Variants in PLXDC1 observed in about 807,000 individuals in gnomAD.
The protein encoded by PLXDC1 is plexin domain containing 1.
Under a neutral mutation model 61.3 loss-of-function variants are expected in PLXDC1, and 39 were observed. The ratio of observed to expected loss-of-function variants is 0.64; its 90% CI spans 0.49 to 0.83. The LOEUF (loss-of-function observed/expected upper bound fraction) is 0.83, where lower values mean the gene tolerates loss of function less well. PLXDC1 is among the 40% of genes least tolerant of loss of function. The pLI is 0.00. For missense variants in PLXDC1, 596 were observed against 666.5 expected, an observed-to-expected ratio of 0.89 and a Z score of 1.17; for synonymous variants, 212 against 254.5, an observed-to-expected ratio of 0.83 and a Z score of 1.59.
chr17:39,090,972 C>T lies in PLXDC1; in HGVS notation c.812-3270G>A, dbSNP rs1015972299. The stretch of plus-strand genomic sequence containing the variant: ...CCCGCTGCTGTGGAGAGAGAGGAGG[C>T]CCACAGAGGCGGCCTGACCGCGGTA... On this transcript the variant is annotated intron_variant, in intron 7 of 13. Coordinates refer to ENST00000315392, the MANE Select transcript of PLXDC1 (RefSeq NM_020405.5). 3.3e-5 allele frequency among the ~76,000 whole-genome samples: 5 copies of T among 152,304 alleles called. 1 individual carries two copies. Among genetic ancestry groups the T allele is most frequent in the South Asian group, 4.1e-4 (2 of 4,824 alleles).
chr17:39,139,834 T>A lies in PLXDC1; in HGVS notation c.77-2A>T. 1 of 1,595,688 alleles carries A rather than the reference T, an allele frequency of 6.3e-7. No homozygotes were observed. Among genetic ancestry groups the A allele is most frequent in the Non-Finnish European group, 8.6e-7 (1 of 1,168,322 alleles). On this transcript the variant is annotated splice_acceptor_variant, in intron 1 of 13. Transcript: ENST00000315392. LOFTEE classifies it high-confidence loss of function. Reference sequence around the variant, plus strand: ...CAGAGCCTGGGCCCTCATCGTGACCTGGGAGAAGGGGACAGAAACCTGAGT... The same window carrying A: ...CAGAGCCTGGGCCCTCATCGTGACCAGGGAGAAGGGGACAGAAACCTGAGT...
In PLXDC1 at chr17:39,107,545, C is replaced by T; in HGVS notation, c.593-20G>A. The T allele has an allele frequency of 1.3e-6, 2 of 1,547,642 alleles. No individual in the cohort carries two copies. The highest frequency in any genetic ancestry group is 1.8e-6 in the Non-Finnish European group (2 of 1,119,188). Reference sequence around the variant, plus strand: ...CTGTCCCTGGGGAGAAGAACAGAGACCCGGCTGGACGGGAGATCATGCAAG... The same window carrying T: ...CTGTCCCTGGGGAGAAGAACAGAGATCCGGCTGGACGGGAGATCATGCAAG... On this transcript the variant is annotated intron_variant, in intron 5 of 13. Transcript: ENST00000315392.
upstream of PLXDC1, chr17:39,152,746 A>G: frequency 9.4e-7 from 1 of 1,067,392 alleles, no homozygotes; most frequent in Non-Finnish European, 1.2e-6. Context: ...GGGCTGGAAG[A>G]GACGGATTCC....
At chr17:39,111,935 C>T (rs1033756899) in intron 2 of PLXDC1, 2 of 152,394 alleles carry the variant, frequency 1.3e-5, no homozygotes, top group African/African-American at 2.4e-5. Context: ...CTGCCCAGAG[C>T]TCTTAGCCTC....
At position 39,108,951 on chromosome 17, in the gene PLXDC1, A is replaced by G. The variant is rs1389784584; in HGVS notation, c.422T>C (p.Phe141Ser). Residue 141 changes from phenylalanine (F) to serine (S), a missense_variant, in exon 4 of 14, where the codon TTC becomes TCC. Coordinates refer to ENST00000315392, the MANE Select transcript of PLXDC1 (RefSeq NM_020405.5). ...QASRVVLSFDFPFYGHPLRQI... is the reference protein window; with the variant it reads ...QASRVVLSFDSPFYGHPLRQI... ...CCGCAGAGGATGCCCGTAGAAAGGG[A>G]AATCAAAGGACAAGACCACTCTCTG... is the stretch of plus-strand genomic sequence containing the variant. 6.2e-7 allele frequency: 1 copy of G among 1,613,370 alleles called. No individual in the cohort carries two copies. The highest frequency in any genetic ancestry group is 8.5e-7 in the Non-Finnish European group (1 of 1,179,590).
intron 2 of PLXDC1, among the ~76,000 whole-genome samples, chr17:39,133,991 C>T (rs930243595): frequency 2.0e-5 from 3 of 151,762 alleles, no homozygotes; most frequent in South Asian, 4.2e-4. Context: ...GGTGCAGTGG[C>T]TCACGCCTGT....
rs1003175073 is a variant in PLXDC1, at chr17:39,066,159, C to T, written c.*1681G>A. Reference sequence around the variant, plus strand: ...CAGAGGAGGAAAAATATTTATCAGGCAAGTCCTGCCTTTGGAGGTATGTAC... The same window carrying T: ...CAGAGGAGGAAAAATATTTATCAGGTAAGTCCTGCCTTTGGAGGTATGTAC... On this transcript the variant is annotated 3_prime_UTR_variant, in exon 14 of 14. Transcript: ENST00000315392. 1.3e-5 allele frequency: 2 copies of T among 152,234 alleles called. No homozygotes were observed. The highest frequency in any genetic ancestry group is 2.9e-5 in the Non-Finnish European group (2 of 68,090). 9.4% of individuals were successfully genotyped at this position (152,234 alleles called of 1,614,324 possible).
At chr17:39,127,339 C>T (rs1025609355) in intron 2 of PLXDC1, among the ~76,000 whole-genome samples, 2 of 152,034 alleles carry the variant, frequency 1.3e-5, no homozygotes, top group African/African-American at 4.8e-5. Flanking sequence ...GAACTAAAGC[C>T]GGGACCATCC....
chr17:39,098,714 C>T (rs1293034134), intron 7 of PLXDC1, among the ~76,000 whole-genome samples: 1 of 152,142 alleles, frequency 6.6e-6, no homozygotes, highest in African/African-American at 2.4e-5. Flanking sequence ...CAGCATCTGA[C>T]CTGGGCCGCT....
intron 11 of PLXDC1, 34 bp from the exon 12 acceptor site, chr17:39,072,519 G>A (rs1041389955): frequency 1.9e-5 from 25 of 1,325,782 alleles, no homozygotes; most frequent in Non-Finnish European, 2.6e-5. Flanking sequence ...AGCAAGATTA[G>A]TGGAATCATT....
chr17:39,108,901 T>A lies in PLXDC1; in HGVS notation c.469+3A>T. 6.2e-7 allele frequency: 1 copy of A among 1,611,212 alleles called. No individual in the cohort carries two copies. The highest frequency in any genetic ancestry group is 1.3e-5 in the African/African-American group (1 of 75,002). On this transcript the variant is annotated splice_donor_region_variant and intron_variant, in intron 4 of 13. Coordinates refer to ENST00000315392, the MANE Select transcript of PLXDC1 (RefSeq NM_020405.5). ...TCCCCGGGGCCCCACGACGTGGCCTTACCTCCAGTTGCTATGGTGATCTGC... is the reference window on the plus strand; with the variant it reads ...TCCCCGGGGCCCCACGACGTGGCCTAACCTCCAGTTGCTATGGTGATCTGC...
chr17:39,122,479 C>T (rs899313170), intron 2 of PLXDC1, among the ~76,000 whole-genome samples: 1 of 150,122 alleles, frequency 6.7e-6, no homozygotes, highest in African/African-American at 2.4e-5. Flanking sequence ...TCTTGAGCTA[C>T]AAAATGGAAA....
upstream of PLXDC1, chr17:39,152,341 C>G (rs2045379612): frequency 2.3e-6 from 1 of 429,846 alleles, no homozygotes; most frequent in Admixed American, 4.5e-5. Flanking sequence ...TACTCAGGGC[C>G]AGACCCAATC....
At chr17:39,108,016 C>A in intron 5 of PLXDC1, 107 bp downstream of exon 5, 1 of 1,412,232 alleles carries the variant, frequency 7.1e-7, no homozygotes, top group South Asian at 1.2e-5. Flanking sequence ...GGCTGCTTTG[C>A]CGTGGGACTG....
rs1260533312 is a variant in PLXDC1, at chr17:39,065,532, G to A, written c.*2308C>T. 2 of 151,502 alleles carry A rather than the reference G, an allele frequency of 1.3e-5. No homozygotes were observed. The highest frequency in any genetic ancestry group is 4.9e-5 in the African/African-American group (2 of 41,134). The allele number at this position is 151,502 out of a possible 1,614,324, so 9.4% of individuals were successfully genotyped here. ...TCCTCCTGGCTCAGCCTCCCTAGTA[G>A]CTGGGACTACAGGTGCACCCCACCA... is the stretch of plus-strand genomic sequence containing the variant. On this transcript the variant is annotated 3_prime_UTR_variant, in exon 14 of 14. Transcript: ENST00000315392.
intron 8 of PLXDC1, among the ~76,000 whole-genome samples, chr17:39,086,859 CAAAAA>C (rs765774886): frequency 9.6e-4 from 69 of 71,522 alleles, no homozygotes; most frequent in African/African-American, 3.8e-3. Flanking sequence ...GAGACTGTCT[CAAAAA>C]AAAAAAAAAA....
intron 7 of PLXDC1, among the ~76,000 whole-genome samples, chr17:39,101,809 T>C (rs1003357565): frequency 2.0e-5 from 3 of 152,162 alleles, no homozygotes; most frequent in East Asian, 1.9e-4. Flanking sequence ...TCCACTCCGA[T>C]GCCCTGCCCT....
intron 7 of PLXDC1, among the ~76,000 whole-genome samples, chr17:39,102,035 T>C (rs999621779): frequency 3.9e-5 from 6 of 152,100 alleles, no homozygotes; most frequent in Non-Finnish European, 8.8e-5. Flanking sequence ...GGGAAAGAAC[T>C]CCTGGCCTGT....
chr17:39,093,320 C>T (rs1274485814), intron 7 of PLXDC1, among the ~76,000 whole-genome samples: 1 of 152,180 alleles, frequency 6.6e-6, no homozygotes, highest in East Asian at 1.9e-4. Flanking sequence ...AATCCTCCCG[C>T]CTCCAATTCC....
Sources: gnomAD v4.1 joint callset for allele counts (sites outside exome capture counted in the v4.1 genomes callset) on GRCh38, gnomAD v4.1.1 for gene constraint, MANE v1.5 for transcripts, NCBI Gene and HGNC (gene_info 2026-07-23, HGNC 2026-07-21) for gene names.